The following COMMD10 variants were observed in gnomAD, a reference collection of about 807,000 sequenced individuals.
COMMD10 encodes the protein COMM domain-containing protein 10.
COMMD10 carries 33 observed loss-of-function variants against 28.9 expected under a neutral mutation model. That is an observed-to-expected ratio of 1.14 (90% CI 0.87 to 1.53). The LOEUF is 1.53. Ranked by LOEUF, COMMD10 falls within the 40% of genes most tolerant of loss-of-function variation. The probability of loss-of-function intolerance (pLI) is 0.00; values close to 1 mark genes in which losing one functional copy is unlikely to be tolerated. For missense variants in COMMD10, 310 were observed against 233.4 expected (o/e 1.33, Z -2.14); for synonymous variants, 110 against 81.7 (o/e 1.35, Z -1.87).
chr5:116,251,608 A>G (rs929381412), intron 5 of COMMD10, among the ~76,000 whole-genome samples: 6 of 150,900 alleles, frequency 4.0e-5, no homozygotes, highest in East Asian at 1.9e-4. Context: ...CCATGTCCCT[A>G]CAAAGGACAT....
intron 5 of COMMD10, among the ~76,000 whole-genome samples, chr5:116,140,934 T>C (rs1202660736): frequency 6.6e-6 from 1 of 151,892 alleles, no homozygotes; most frequent in African/African-American, 2.4e-5. Flanking sequence ...TTTAGTTTGA[T>C]GTAGTTCTAC....
intron 5 of COMMD10, among the ~76,000 whole-genome samples, chr5:116,148,894 A>G (rs1752424867): frequency 6.6e-6 from 1 of 151,860 alleles, no homozygotes; most frequent in South Asian, 2.1e-4. Context: ...GTACATGTGC[A>G]CAATGCGCAG....
At chr5:116,282,288 T>G (rs1254405096) in intron 5 of COMMD10, among the ~76,000 whole-genome samples, 1 of 151,856 alleles carries the variant, frequency 6.6e-6, no homozygotes, top group African/African-American at 2.4e-5. Flanking sequence ...ATTTTTCACT[T>G]TTCTCTGTCA....
intron 5 of COMMD10, among the ~76,000 whole-genome samples, chr5:116,249,298 A>C (rs751668765): frequency 1.9e-4 from 29 of 151,938 alleles, no homozygotes; most frequent in Non-Finnish European, 3.8e-4. Context: ...ATTGTAGATA[A>C]GTATTCGAAT....
chr5:116,226,454 A>C (rs532655356), intron 5 of COMMD10, among the ~76,000 whole-genome samples: 58 of 144,266 alleles, frequency 4.0e-4, no homozygotes, highest in Middle Eastern at 3.8e-3. Context: ...ATTATATTTC[A>C]GCTGATGGAC....
At chr5:116,190,878 T>G (rs931206075) in intron 5 of COMMD10, among the ~76,000 whole-genome samples, 1 of 152,208 alleles carries the variant, frequency 6.6e-6, no homozygotes, top group Non-Finnish European at 1.5e-5. Flanking sequence ...ACAAACACTT[T>G]AAGTGAATAT....
At chr5:116,205,299 A>G (rs1003861460) in intron 5 of COMMD10, among the ~76,000 whole-genome samples, 1 of 152,178 alleles carries the variant, frequency 6.6e-6, no homozygotes, top group African/African-American at 2.4e-5. Context: ...CTAGCAATAT[A>G]AAAGAATTCT....
intron 5 of COMMD10, among the ~76,000 whole-genome samples, chr5:116,284,582 A>G (rs1751169331): frequency 6.6e-6 from 1 of 151,858 alleles, no homozygotes; most frequent in Middle Eastern, 3.2e-3. Context: ...CCATTATCTA[A>G]TGACAGTGGT....
chr5:116,214,874 C>G (rs1034368124), intron 5 of COMMD10, among the ~76,000 whole-genome samples: 99 of 152,054 alleles, frequency 6.5e-4, no homozygotes, highest in Non-Finnish European at 1.6e-4. Flanking sequence ...AATACGATCT[C>G]TTTTATAATC....
At chr5:116,170,478 G>A (rs1222783937) in intron 5 of COMMD10, among the ~76,000 whole-genome samples, 3 of 151,972 alleles carry the variant, frequency 2.0e-5, no homozygotes, top group Admixed American at 6.6e-5. Flanking sequence ...AGAATTAGAG[G>A]AAACTACTTT....
At chr5:116,164,503 T>C (rs1190031217) in intron 5 of COMMD10, among the ~76,000 whole-genome samples, 1 of 152,216 alleles carries the variant, frequency 6.6e-6, no homozygotes, top group Non-Finnish European at 1.5e-5. Context: ...CATGCCTTTG[T>C]TGTCAAATGT....
chr5:116,244,043 A>T (rs974008809), intron 5 of COMMD10, among the ~76,000 whole-genome samples: 1 of 152,128 alleles, frequency 6.6e-6, no homozygotes, highest in Non-Finnish European at 1.5e-5. Context: ...ACACACACAC[A>T]TATTATATAT....
At chr5:116,274,923 G>C (rs1036590592) in intron 5 of COMMD10, among the ~76,000 whole-genome samples, 1 of 151,786 alleles carries the variant, frequency 6.6e-6, no homozygotes, top group Non-Finnish European at 1.5e-5. Context: ...CTGTAGCCCA[G>C]ATTCCTAATT....
At chr5:116,264,414 G>T (rs1254752361) in intron 5 of COMMD10, among the ~76,000 whole-genome samples, 1 of 151,726 alleles carries the variant, frequency 6.6e-6, no homozygotes, top group African/African-American at 2.4e-5. Context: ...CTAAAATCTA[G>T]GTCTGTAATT....
At chr5:116,223,665 G>A (rs774569221) in intron 5 of COMMD10, among the ~76,000 whole-genome samples, 14 of 152,162 alleles carry the variant, frequency 9.2e-5, no homozygotes, top group Non-Finnish European at 1.8e-4. Context: ...GGACAGAAGG[G>A]GTTTGGAGAG....
At chr5:116,267,388 C>A (rs1750616142) in intron 5 of COMMD10, among the ~76,000 whole-genome samples, 1 of 151,890 alleles carries the variant, frequency 6.6e-6, no homozygotes, top group Non-Finnish European at 1.5e-5. Context: ...ATCCAATTTA[C>A]AAGGGATGTG....
chr5:116,096,529 T>G (rs544922615), intron 4 of COMMD10, among the ~76,000 whole-genome samples: 1 of 152,208 alleles, frequency 6.6e-6, no homozygotes, highest in African/African-American at 2.4e-5. Context: ...TCACGTTGTC[T>G]GTGAATAAAG....
At chr5:116,265,873 A>C (rs1750570341) in intron 5 of COMMD10, among the ~76,000 whole-genome samples, 1 of 151,764 alleles carries the variant, frequency 6.6e-6, no homozygotes, top group African/African-American at 2.4e-5. Flanking sequence ...GCTATACTAA[A>C]ATGAAGACAA....
intron 5 of COMMD10, among the ~76,000 whole-genome samples, chr5:116,206,063 G>GA (rs1223346166): frequency 3.3e-5 from 5 of 152,122 alleles, no homozygotes; most frequent in Non-Finnish European, 7.4e-5. Context: ...ATTGTTTTCT[G>GA]AAATTATTAG....
Sources: gnomAD v4.1 joint callset for allele counts (sites outside exome capture counted in the v4.1 genomes callset) on GRCh38, gnomAD v4.1.1 for gene constraint, MANE v1.5 for transcripts, NCBI Gene and HGNC (gene_info 2026-07-23, HGNC 2026-07-21) for gene names.